The following LIFR variants were observed in gnomAD, a reference collection of about 807,000 sequenced individuals.
LIFR encodes the protein leukemia inhibitory factor receptor.
LIFR carries 84 observed loss-of-function variants against 122.2 expected under a neutral mutation model. That is an observed-to-expected ratio of 0.69 (90% confidence interval 0.58 to 0.82). The LOEUF (loss-of-function observed/expected upper bound fraction) is 0.82, where lower values mean the gene tolerates loss of function less well. Among genes scored for constraint, LIFR ranks in the 40% least tolerant of loss-of-function variants. The pLI is 0.00. For synonymous variants in LIFR, 422 were observed against 434.7 expected, an observed-to-expected ratio of 0.97 and a Z score of 0.36; for missense variants, 1,294 against 1,311.6, an observed-to-expected ratio of 0.99 and a Z score of 0.21.
At chr5:38,588,943 T>C (rs73072820) in intron 1 of LIFR, among the ~76,000 whole-genome samples, 1 of 152,232 alleles carries the variant, frequency 6.6e-6, no homozygotes, top group African/African-American at 2.4e-5. Flanking sequence ...GATCCAATTA[T>C]GCATATGTTT....
chr5:38,593,310 T>G (rs1033049736), intron 1 of LIFR, among the ~76,000 whole-genome samples: 5 of 152,114 alleles, frequency 3.3e-5, no homozygotes, highest in African/African-American at 1.2e-4. Flanking sequence ...ATGAATTCTG[T>G]TAGAATGGGG....
chr5:38,509,301 T>C (rs971273856), intron 7 of LIFR, among the ~76,000 whole-genome samples: 1 of 152,228 alleles, frequency 6.6e-6, no homozygotes, highest in Admixed American at 6.5e-5. Context: ...GTGAGAAATG[T>C]TGCAAGTAAT....
intron 5 of LIFR, among the ~76,000 whole-genome samples, chr5:38,512,455 C>CAAAAAAAT (rs996094047): frequency 2.7e-5 from 4 of 150,446 alleles, no homozygotes; most frequent in African/African-American, 9.8e-5. Context: ...CCCATCTCTA[C>CAAAAAAAT]AAAAAAATAA....
chr5:38,512,316 A>C (rs1745843900), intron 5 of LIFR, among the ~76,000 whole-genome samples: 1 of 151,996 alleles, frequency 6.6e-6, no homozygotes, highest in African/African-American at 2.4e-5. Context: ...GAGCATCTCT[A>C]ATCTAAAAAT....
intron 14 of LIFR, among the ~76,000 whole-genome samples, chr5:38,491,905 T>C (rs1744613107): frequency 6.6e-6 from 1 of 152,208 alleles, no homozygotes; most frequent in African/African-American, 2.4e-5. Flanking sequence ...TGTAAATCTG[T>C]ACCTCTTTTT....
chr5:38,512,085 T>C, intron 5 of LIFR, 121 bp from the exon 6 acceptor site: 5 of 956,974 alleles, frequency 5.2e-6, no homozygotes, highest in South Asian at 1.4e-5. Flanking sequence ...TTTTGTCCTT[T>C]AATACAACTC....
chr5:38,551,261 G>A (rs1475541799), intron 1 of LIFR, among the ~76,000 whole-genome samples: 3 of 152,152 alleles, frequency 2.0e-5, no homozygotes, highest in Non-Finnish European at 4.4e-5. Context: ...GGAAACAGTT[G>A]GCATCCTGTC....
intron 1 of LIFR, among the ~76,000 whole-genome samples, chr5:38,591,174 C>T (rs1337070046): frequency 1.3e-5 from 2 of 152,238 alleles, no homozygotes; most frequent in African/African-American, 2.4e-5. Context: ...TAGGGAGAGA[C>T]AGGAAAGCCC....
intron 1 of LIFR, 149 bp from the exon 2 acceptor site, chr5:38,530,815 G>A (rs1283988938): frequency 6.9e-6 from 5 of 727,340 alleles, no homozygotes; most frequent in Non-Finnish European, 1.2e-5. Context: ...AAGCTTCCCT[G>A]GCTTGTGGAG....
chr5:38,569,002 T>C (rs1749119191), intron 1 of LIFR, among the ~76,000 whole-genome samples: 1 of 152,234 alleles, frequency 6.6e-6, no homozygotes, highest in Non-Finnish European at 1.5e-5. Context: ...CAGTCATTGA[T>C]GCCACCATCC....
chr5:38,547,560 A>C (rs970336227), intron 1 of LIFR, among the ~76,000 whole-genome samples: 3 of 152,222 alleles, frequency 2.0e-5, no homozygotes, highest in African/African-American at 7.2e-5. Flanking sequence ...CGTATCTTTC[A>C]CGACTACTGA....
intron 1 of LIFR, among the ~76,000 whole-genome samples, chr5:38,537,490 C>G (rs529624034): frequency 2.0e-5 from 3 of 152,160 alleles, no homozygotes; most frequent in Non-Finnish European, 4.4e-5. Context: ...GTCTACCAAA[C>G]GAATGAACTT....
At position 38,475,643 on chromosome 5, in the gene LIFR, A is replaced by C. The variant is rs1372241170; in HGVS notation, c.*5952T>G. 1.1e-5 allele frequency: 2 copies of C among 185,918 alleles called. No homozygotes were observed. Among genetic ancestry groups the C allele is most frequent in the Non-Finnish European group, 2.3e-5 (2 of 87,726 alleles). 11.5% of individuals were successfully genotyped at this position (185,918 alleles called of 1,614,324 possible). A position where few individuals can be genotyped will look rare whatever the true frequency, so the allele number is the denominator to read the frequency against. On this transcript the variant is annotated 3_prime_UTR_variant, in exon 20 of 20. Transcript: ENST00000453190. ...AAACATTCATTCTACAAACCTTATA[A>C]AAGACAGAAACTTATATCTGTTCAC...
intron 5 of LIFR, among the ~76,000 whole-genome samples, chr5:38,514,867 T>C (rs141941297): frequency 1.6e-4 from 25 of 152,308 alleles, no homozygotes; most frequent in African/African-American, 4.6e-4. Context: ...GTTTAAAATA[T>C]ACAGGAGGAT....
At chr5:38,498,705 T>C (rs1400571913) in intron 12 of LIFR, among the ~76,000 whole-genome samples, 1 of 152,208 alleles carries the variant, frequency 6.6e-6, no homozygotes, top group Non-Finnish European at 1.5e-5. Context: ...AAGTAAATTG[T>C]ATAATCGTTG....
rs942506493 is a variant in LIFR, at chr5:38,537,929, A to T, written c.-19-7263T>A. Among the ~76,000 whole-genome samples the T allele has an allele frequency of 4.6e-5, 7 of 152,138 alleles. No individual in the cohort carries two copies. In the Middle Eastern group the frequency reaches 0.01, roughly 222 times the overall value. Reference sequence around the variant, plus strand: ...TACTTTCCAGTGAGTCTTTTGTTTAACTCTTACTAGATCAGATTTCTCTAT... The same window carrying T: ...TACTTTCCAGTGAGTCTTTTGTTTATCTCTTACTAGATCAGATTTCTCTAT... On this transcript the variant is annotated intron_variant, in intron 1 of 19. Coordinates refer to ENST00000453190, the MANE Select transcript of LIFR (RefSeq NM_001127671.2).
intron 12 of LIFR, 64 bp from the exon 13 acceptor site, chr5:38,496,659 T>A: frequency 8.1e-7 from 1 of 1,232,034 alleles, no homozygotes; most frequent in Non-Finnish European, 1.2e-6. Flanking sequence ...GGCAAGGTAA[T>A]TGGGTTTAAA....
At chr5:38,536,760 G>A (rs1747315334) in intron 1 of LIFR, among the ~76,000 whole-genome samples, 1 of 152,178 alleles carries the variant, frequency 6.6e-6, no homozygotes, top group Non-Finnish European at 1.5e-5. Context: ...ACAGTCTGGG[G>A]ACCTGAGTTA....
rs141979800 is a variant in LIFR at position 38,518,422 on chromosome 5, T to G, written c.561+4997A>C. The stretch of plus-strand genomic sequence containing the variant: ...AGAATCAAGGTATACAGTAATGTGC[T>G]ATATAACAATACTTCAGTCAATGTG... On this transcript the variant is annotated intron_variant, in intron 5 of 19. Coordinates refer to ENST00000453190, the MANE Select transcript of LIFR (RefSeq NM_001127671.2). Among the ~76,000 whole-genome samples, 473 of 152,284 alleles carry G rather than the reference T, an allele frequency of 3.1e-3. 3 individuals are homozygous for G. Among genetic ancestry groups the G allele is most frequent in the African/African-American group, 0.011 (444 of 41,544 alleles).
Sources: allele counts gnomAD v4.1 joint callset (sites outside exome capture counted in the v4.1 genomes callset), GRCh38; gene constraint gnomAD v4.1.1; transcripts MANE v1.5; gene names NCBI Gene and HGNC (gene_info 2026-07-23, HGNC 2026-07-21).